SLC7A11: variants seen among roughly 807,000 people sequenced by gnomAD.
The protein encoded by SLC7A11 is cystine/glutamate transporter.
SLC7A11 carries 35 observed loss-of-function variants against 54.5 expected under a neutral mutation model. The ratio of observed to expected loss-of-function variants is 0.64; its 90% CI spans 0.49 to 0.85. The LOEUF is 0.85. Among genes scored for constraint, SLC7A11 ranks in the 40% least tolerant of loss-of-function variants. The pLI, the probability that SLC7A11 is intolerant of heterozygous loss-of-function variation, is 0.00. For missense variants in SLC7A11, 583 were observed against 618.1 expected (o/e 0.94, Z 0.60); for synonymous variants, 230 against 225.2 (o/e 1.02, Z -0.19).
intron 4 of SLC7A11, among the ~76,000 whole-genome samples, chr4:138,219,874 C>T (rs1737767074): frequency 1.3e-5 from 2 of 151,998 alleles, no homozygotes; most frequent in South Asian, 4.2e-4. Context: ...CATTAGATGC[C>T]TACCTCCTAG....
intron 6 of SLC7A11, among the ~76,000 whole-genome samples, chr4:138,203,716 T>G (rs1318794539): frequency 6.6e-6 from 1 of 152,112 alleles, no homozygotes; most frequent in African/African-American, 2.4e-5. Context: ...CTTCATGGAC[T>G]ATAAATTTTT....
chr4:138,201,616 G>A (rs1191643491), intron 6 of SLC7A11, among the ~76,000 whole-genome samples: 1 of 151,962 alleles, frequency 6.6e-6, no homozygotes, highest in Non-Finnish European at 1.5e-5. Context: ...CTTTTCCCTC[G>A]TGAGAATGGG....
At chr4:138,173,005 G>A (rs928857166) in intron 11 of SLC7A11, among the ~76,000 whole-genome samples, 1 of 151,818 alleles carries the variant, frequency 6.6e-6, no homozygotes, top group Non-Finnish European at 1.5e-5. Flanking sequence ...CACCACATCC[G>A]GCTAATTTTG....
chr4:138,183,148 A>C, intron 8 of SLC7A11, 54 bp downstream of exon 8: 5 of 1,231,710 alleles, frequency 4.1e-6, no homozygotes, highest in East Asian at 4.8e-5. Flanking sequence ...TATCCTTATC[A>C]CATCCAATCT....
chr4:138,198,695 A>G (rs1737199495), intron 6 of SLC7A11, among the ~76,000 whole-genome samples: 1 of 152,152 alleles, frequency 6.6e-6, no homozygotes, highest in Non-Finnish European at 1.5e-5. Context: ...CTATTCTAAG[A>G]GAATAATTGG....
intron 3 of SLC7A11, among the ~76,000 whole-genome samples, chr4:138,224,855 G>C (rs903640236): frequency 4.7e-5 from 7 of 148,634 alleles, no homozygotes; most frequent in Middle Eastern, 3.5e-3. Context: ...AGGAAGGAAG[G>C]AAGGAGAAAT....
intron 9 of SLC7A11, 49 bp downstream of exon 9, chr4:138,182,248 A>C (rs558675642): frequency 1.7e-6 from 2 of 1,181,178 alleles, no homozygotes; most frequent in Admixed American, 3.4e-5. Context: ...CCTTTTTGCT[A>C]ACCTATTATT....
chr4:138,195,226 G>A (rs926367652), intron 6 of SLC7A11, among the ~76,000 whole-genome samples: 5 of 152,116 alleles, frequency 3.3e-5, no homozygotes, highest in African/African-American at 9.7e-5. Flanking sequence ...ACCTCTGGAC[G>A]GTCACATACA....
intron 9 of SLC7A11, 102 bp from the exon 10 acceptor site, chr4:138,180,892 T>G: frequency 3.0e-6 from 3 of 991,052 alleles, no homozygotes; most frequent in South Asian, 3.5e-5. Context: ...AAATAATTAT[T>G]TATACCGATA....
chr4:138,232,196 C>G (rs1286975235), intron 3 of SLC7A11, 71 bp downstream of exon 3: 1 of 1,056,688 alleles, frequency 9.5e-7, no homozygotes, highest in Non-Finnish European at 1.5e-6. Context: ...TGCAAAAAGT[C>G]TAAAGACACT....
intron 6 of SLC7A11, among the ~76,000 whole-genome samples, chr4:138,188,605 T>A (rs1560721790): frequency 6.6e-6 from 1 of 152,164 alleles, no homozygotes; most frequent in Non-Finnish European, 1.5e-5. Context: ...CTGGGTGAAC[T>A]GATAAAAGCT....
chr4:138,228,173 G>A (rs1737986965), intron 3 of SLC7A11, among the ~76,000 whole-genome samples: 1 of 151,934 alleles, frequency 6.6e-6, no homozygotes, highest in Non-Finnish European at 1.5e-5. Context: ...ACTTTCAAAA[G>A]TTTGAGAATT....
At chr4:138,218,825 ATC>A (rs1737738595) in intron 5 of SLC7A11, among the ~76,000 whole-genome samples, 1 of 152,138 alleles carries the variant, frequency 6.6e-6, no homozygotes, top group Admixed American at 6.5e-5. Context: ...TTATTTCTAC[ATC>A]TGAGTTACTT....
intron 4 of SLC7A11, among the ~76,000 whole-genome samples, chr4:138,222,985 A>G (rs1737852076): frequency 6.6e-6 from 1 of 151,766 alleles, no homozygotes; most frequent in Admixed American, 6.6e-5. Context: ...ATTTTGTTGC[A>G]TGGCCCATTC....
At chr4:138,228,832 C>T (rs557896611) in intron 3 of SLC7A11, among the ~76,000 whole-genome samples, 3 of 150,110 alleles carry the variant, frequency 2.0e-5, no homozygotes, top group South Asian at 4.2e-4. Context: ...CAGCCAAATG[C>T]AAATCTATAA....
Position 138,169,119 on chromosome 4 carries a change from C to T in SLC7A11, c.*2837G>A, listed in dbSNP as rs1452574699. On this transcript the variant is annotated 3_prime_UTR_variant, in exon 12 of 12. Transcript: ENST00000280612. ...GTTATAATAAACTTATGTATATAAA[C>T]ATTTGAATATGCATGGTACAAAGTA... 5 of 151,934 alleles carry T rather than the reference C, an allele frequency of 3.3e-5. No homozygotes were observed. Among genetic ancestry groups the T allele is most frequent in the South Asian group, 2.1e-4 (1 of 4,822 alleles). 9.4% of individuals were successfully genotyped at this position (151,934 alleles called of 1,614,324 possible).
Position 138,182,399 on chromosome 4 carries a change from G to C in SLC7A11, c.1020-6C>G. On this transcript the variant is annotated splice_polypyrimidine_tract_variant and splice_region_variant and intron_variant, in intron 8 of 11. Transcript: ENST00000280612. ...GAGACGCAACATAGAATAACCTGAT[G>C]GGAGAGAAATGTGGGTGGAGTTGAC... 2 of 1,565,628 alleles carry C rather than the reference G, an allele frequency of 1.3e-6. No individual in the cohort carries two copies. The highest frequency in any genetic ancestry group is 1.8e-6 in the Non-Finnish European group (2 of 1,136,716).
intron 6 of SLC7A11, among the ~76,000 whole-genome samples, chr4:138,198,272 A>C (rs938769172): frequency 1.3e-5 from 2 of 152,130 alleles, no homozygotes; most frequent in African/African-American, 4.8e-5. Flanking sequence ...TAGAAACAAA[A>C]CCACAAGTTT....
chr4:138,174,833 AC>A, intron 11 of SLC7A11: 1 of 152,268 alleles, frequency 6.6e-6, no homozygotes, highest in East Asian at 1.9e-4. Flanking sequence ...TTTTAGCTTT[AC>A]CTTTCATGTT....
Sources: allele counts gnomAD v4.1 joint callset (sites outside exome capture counted in the v4.1 genomes callset), GRCh38; gene constraint gnomAD v4.1.1; transcripts MANE v1.5; gene names NCBI Gene and HGNC (gene_info 2026-07-23, HGNC 2026-07-21).